The following DPP10 variants were observed in gnomAD, a reference collection of about 807,000 sequenced individuals.
The protein encoded by DPP10 is inactive dipeptidyl peptidase 10.
A neutral mutation model predicts 120.9 loss-of-function variants in DPP10; 33 were observed. The ratio of observed to expected loss-of-function variants is 0.27; its 90% CI spans 0.21 to 0.37. The LOEUF is 0.37. DPP10 is among the 10% of genes least tolerant of loss of function. The pLI is 1.00. For synonymous variants in DPP10, 337 were observed against 326.1 expected (o/e 1.03, Z -0.36); for missense variants, 816 against 942.8 (o/e 0.87, Z 1.76).
intron 3 of DPP10, among the ~76,000 whole-genome samples, chr2:115,384,524 G>C (rs887904425): frequency 7.2e-6 from 1 of 138,712 alleles, no homozygotes; most frequent in African/African-American, 2.7e-5. Context: ...GGAAGAAGAG[G>C]AAGAAGAAGA....
chr2:115,758,029 C>T (rs948825472), intron 11 of DPP10, among the ~76,000 whole-genome samples: 4 of 151,874 alleles, frequency 2.6e-5, no homozygotes, highest in African/African-American at 7.3e-5. Flanking sequence ...ACCAGAGGCC[C>T]CACTCAGAGT....
At chr2:115,664,803 C>T (rs2089310225) in intron 5 of DPP10, among the ~76,000 whole-genome samples, 1 of 152,172 alleles carries the variant, frequency 6.6e-6, no homozygotes, top group African/African-American at 2.4e-5. Context: ...CTGATCTTTC[C>T]ATCCTAATCT....
intron 3 of DPP10, among the ~76,000 whole-genome samples, chr2:115,370,740 A>G (rs2065353547): frequency 6.6e-6 from 1 of 152,086 alleles, no homozygotes; most frequent in Non-Finnish European, 1.5e-5. Context: ...TTTAGCATGT[A>G]TCAGAATCAC....
chr2:115,000,025 T>TA (rs397729163), intron 1 of DPP10, among the ~76,000 whole-genome samples: 2 of 151,632 alleles, frequency 1.3e-5, no homozygotes, highest in Non-Finnish European at 2.9e-5. Context: ...AGTTTTTTTT[T>TA]AATTTATCAG....
chr2:115,371,495 AC>A (rs2065408952), intron 3 of DPP10, among the ~76,000 whole-genome samples: 1 of 152,144 alleles, frequency 6.6e-6, no homozygotes, highest in Admixed American at 6.6e-5. Context: ...TTTATTGAAT[AC>A]CTTTTTCCCT....
intron 3 of DPP10, among the ~76,000 whole-genome samples, chr2:115,423,208 A>G (rs2104701268): frequency 6.6e-6 from 1 of 152,236 alleles, no homozygotes; most frequent in African/African-American, 2.4e-5. Context: ...CGAATATATA[A>G]GAATGACCCA....
intron 1 of DPP10, among the ~76,000 whole-genome samples, chr2:115,211,382 A>G (rs1183464359): frequency 6.6e-6 from 1 of 152,164 alleles, no homozygotes; most frequent in Non-Finnish European, 1.5e-5. Context: ...GTCATTTAGC[A>G]TAGATAATAC....
At chr2:114,881,943 A>G (rs1006209633) in intron 1 of DPP10, among the ~76,000 whole-genome samples, 2 of 152,148 alleles carry the variant, frequency 1.3e-5, no homozygotes, top group African/African-American at 4.8e-5. Context: ...AACATTGACC[A>G]GATAGCTCAA....
Position 115,264,882 on chromosome 2 carries a change from T to A in DPP10, c.61-44357T>A, listed in dbSNP as rs148560842. On this transcript the variant is annotated intron_variant, in intron 1 of 25. Transcript: ENST00000410059. ...AAGTTTTGGGCTATGTAATAGTACA[T>A]GAAAGGAAATAGTCATAAGAAAATC... Among the ~76,000 whole-genome samples, 576 of 152,260 alleles carry A rather than the reference T, an allele frequency of 3.8e-3. 5 individuals carry two copies. The highest frequency in any genetic ancestry group is 0.012 in the African/African-American group (511 of 41,576).
At chr2:114,879,793 A>C (rs1691458038) in intron 1 of DPP10, among the ~76,000 whole-genome samples, 3 of 152,134 alleles carry the variant, frequency 2.0e-5, no homozygotes, top group African/African-American at 7.2e-5. Flanking sequence ...GCTGTGGAAG[A>C]CAGTGACCAC....
chr2:115,455,898 T>G (rs1326136065), intron 3 of DPP10, among the ~76,000 whole-genome samples: 2 of 152,072 alleles, frequency 1.3e-5, no homozygotes, highest in African/African-American at 4.8e-5. Flanking sequence ...ATTCAGGACA[T>G]AGGCATGGGC....
chr2:115,316,174 C>T (rs2061782092), intron 2 of DPP10, among the ~76,000 whole-genome samples: 1 of 152,092 alleles, frequency 6.6e-6, no homozygotes, highest in Non-Finnish European at 1.5e-5. Context: ...ACTAATATTG[C>T]ATAGATACTA....
chr2:114,571,123 C>G (rs188735132), intron 1 of DPP10, among the ~76,000 whole-genome samples: 1 of 152,050 alleles, frequency 6.6e-6, no homozygotes, highest in African/African-American at 2.4e-5. Flanking sequence ...GGATTCGTGC[C>G]CCCACCCAAA....
chr2:115,256,825 A>G (rs1008113863), intron 1 of DPP10, among the ~76,000 whole-genome samples: 5 of 152,232 alleles, frequency 3.3e-5, no homozygotes, highest in Non-Finnish European at 4.4e-5. Flanking sequence ...CAACTTTAAC[A>G]TCAATTATTT....
intron 1 of DPP10, among the ~76,000 whole-genome samples, chr2:114,906,968 T>C (rs1036853701): frequency 6.6e-6 from 1 of 152,126 alleles, no homozygotes; most frequent in Non-Finnish European, 1.5e-5. Flanking sequence ...GGGCATTTAT[T>C]TGTGGGAAGT....
intron 1 of DPP10, among the ~76,000 whole-genome samples, chr2:115,176,204 A>G (rs564553551): frequency 2.6e-5 from 4 of 150,944 alleles, no homozygotes; most frequent in Admixed American, 6.6e-5. Context: ...TATTTTTATT[A>G]TTGACAGTAG....
At chr2:115,349,625 G>A (rs2063896659) in intron 3 of DPP10, among the ~76,000 whole-genome samples, 1 of 152,066 alleles carries the variant, frequency 6.6e-6, no homozygotes, top group Admixed American at 6.6e-5. Context: ...GGATATTGAA[G>A]AGGCAGTGAA....
chr2:114,540,011 ATAT>A lies in DPP10; in HGVS notation c.60+97181_60+97183del, dbSNP rs553725187. On this transcript the variant is annotated intron_variant, in intron 1 of 25. Transcript: ENST00000410059. ...CTACTGGACATTTTCAGCATACAAC[ATAT>A]TATTATTTTTAGTATTAAAGTACAT... is the stretch of plus-strand genomic sequence containing the variant. 6.5e-3 allele frequency among the ~76,000 whole-genome samples: 995 copies of A among 152,286 alleles called. 6 individuals carry two copies. Among genetic ancestry groups the A allele is most frequent in the Non-Finnish European group, 0.011 (724 of 68,028 alleles).
intron 1 of DPP10, among the ~76,000 whole-genome samples, chr2:114,706,580 T>C (rs143824772): frequency 2.2e-4 from 33 of 152,304 alleles, no homozygotes; most frequent in African/African-American, 7.5e-4. Context: ...CTTTTATATC[T>C]CTTATAAGAA....
Sources: allele counts gnomAD v4.1 joint callset (sites outside exome capture counted in the v4.1 genomes callset), GRCh38; gene constraint gnomAD v4.1.1; transcripts MANE v1.5; gene names NCBI Gene and HGNC (gene_info 2026-07-23, HGNC 2026-07-21).